Variants in TCTN2 observed in about 807,000 individuals in gnomAD.
The protein encoded by TCTN2 is tectonic-2.
Under a neutral mutation model 83.4 loss-of-function variants are expected in TCTN2, and 66 were observed. The ratio of observed to expected loss-of-function variants is 0.79; its 90% CI spans 0.65 to 0.97. The LOEUF (loss-of-function observed/expected upper bound fraction) is 0.97. Ranked by LOEUF, TCTN2 falls within the 50% of genes least tolerant of loss-of-function variation. The pLI, the probability that TCTN2 is intolerant of heterozygous loss-of-function variation, is 0.00. For missense variants in TCTN2, 794 were observed against 858.1 expected (o/e 0.93, Z 0.93); for synonymous variants, 301 against 326.7 (o/e 0.92, Z 0.85).
At chr12:123,674,880 A>AT (rs1358566084) in intron 4 of TCTN2, among the ~76,000 whole-genome samples, 3 of 151,454 alleles carry the variant, frequency 2.0e-5, no homozygotes, top group Non-Finnish European at 2.9e-5. Flanking sequence ...TTTTATTTTC[A>AT]TTTTTTTTAG....
chr12:123,695,552 G>A, intron 11 of TCTN2: 1 of 349,478 alleles, frequency 2.9e-6, no homozygotes, highest in Non-Finnish European at 5.2e-6. Context: ...CTCCTGAGTA[G>A]CTGGGATTAC....
intron 8 of TCTN2, 110 bp from the exon 9 acceptor site, chr12:123,692,548 C>T: frequency 1.2e-6 from 1 of 857,636 alleles, no homozygotes; most frequent in East Asian, 2.6e-5. Context: ...TAGTCAGCAC[C>T]CTGGGCAGTT....
At chr12:123,671,642 G>A (rs1474123950) in intron 2 of TCTN2, 28 bp downstream of exon 2, 2 of 1,595,940 alleles carry the variant, frequency 1.3e-6, no homozygotes, top group African/African-American at 1.3e-5. Flanking sequence ...TTTGGGGAGG[G>A]TGGGGGTTGG....
At chr12:123,705,378 G>T (rs1253294621) in intron 15 of TCTN2, among the ~76,000 whole-genome samples, 1 of 152,076 alleles carries the variant, frequency 6.6e-6, no homozygotes, top group Non-Finnish European at 1.5e-5. Context: ...GGCCAGGATG[G>T]TCTCAATCTC....
chr12:123,689,706 A>G (rs1220157043), intron 7 of TCTN2, among the ~76,000 whole-genome samples: 1 of 152,206 alleles, frequency 6.6e-6, no homozygotes, highest in African/African-American at 2.4e-5. Context: ...AACAATGGTT[A>G]GATAAATACA....
At chr12:123,673,007 G>A (rs1404827656) in intron 3 of TCTN2, among the ~76,000 whole-genome samples, 1 of 151,940 alleles carries the variant, frequency 6.6e-6, no homozygotes, top group African/African-American at 2.4e-5. Context: ...CCGAGATCAC[G>A]CCACTGCACT....
intron 5 of TCTN2, among the ~76,000 whole-genome samples, chr12:123,683,245 T>G (rs1232582521): frequency 4.0e-5 from 6 of 151,842 alleles, no homozygotes; most frequent in Non-Finnish European, 7.4e-5. Context: ...ATAATAATTT[T>G]TGATTAACCT....
In TCTN2 at chr12:123,697,171, G is replaced by T; in HGVS notation, c.1478G>T (p.Gly493Val). The T allele has an allele frequency of 3.7e-6, 6 of 1,613,868 alleles. No individual in the cohort carries two copies. Among genetic ancestry groups the T allele is most frequent in the Non-Finnish European group, 8.5e-7 (1 of 1,179,866 alleles). The stretch of plus-strand genomic sequence containing the variant: ...CTCTCTGGATGCCTGTTAGAAGTCG[G>T]GATTAATGAAAATTGTACTCAGCTC... ...NVLSGCLLEV[G>V]INENCTQLRE... The change falls in exon 13 of 18, where the codon GGG becomes GTG. Residue 493 changes from glycine to valine, a missense_variant. By Grantham distance (109) the Gly-to-Val change is moderately radical (BLOSUM62 -3). Transcript: ENST00000303372.
rs372053991 is a variant in TCTN2, at chr12:123,673,759, C to T, written c.412C>T (p.Leu138Phe). 14 of 1,614,092 alleles carry T rather than the reference C, an allele frequency of 8.7e-6. No homozygotes were observed. Among genetic ancestry groups the T allele is most frequent in the African/African-American group, 1.3e-5 (1 of 74,936 alleles). The change falls in exon 4 of 18, where the codon CTC becomes TTC. Residue 138 changes from leucine to phenylalanine, a missense_variant. By Grantham distance (22) the Leu-to-Phe change is conservative. Coordinates refer to ENST00000303372, the MANE Select transcript of TCTN2 (RefSeq NM_024809.5). ...TAATTCATCCTGTTCAGCACATCTA[C>T]TCATTCAAGTGGAAATTTATGCCAA... ...SHNSSCSAHLLIQVEIYANSS... is the reference protein window; with the variant it reads ...SHNSSCSAHLFIQVEIYANSS...
chr12:123,693,376 C>CTTTTTTTTTTTTT (rs373196834), intron 9 of TCTN2, among the ~76,000 whole-genome samples: 1 of 92,952 alleles, frequency 1.1e-5, no homozygotes, highest in Non-Finnish European at 2.1e-5. Context: ...GCTTTCTTTC[C>CTTTTTTTTTTTTT]TTTTTTTTTT....
intron 14 of TCTN2, 72 bp from the exon 15 acceptor site, chr12:123,704,460 T>C (rs763227812): frequency 4.7e-6 from 7 of 1,483,824 alleles, no homozygotes; most frequent in Non-Finnish European, 6.4e-6. Flanking sequence ...TTCCCCATTT[T>C]GGTTATTACG....
chr12:123,706,735 A>G lies in TCTN2; in HGVS notation c.1779A>G (p.Ser593=). Residue 593 remains serine (S), a synonymous_variant, in exon 16 of 18, where the codon TCA becomes TCG. Coordinates refer to ENST00000303372, the MANE Select transcript of TCTN2 (RefSeq NM_024809.5). Reference sequence around the variant, plus strand: ...GATCTTTCCCTCCTAGGTTCTCCTCAGTGAACTGGCAGTACCAGTGTGGGC... The same window carrying G: ...GATCTTTCCCTCCTAGGTTCTCCTCGGTGAACTGGCAGTACCAGTGTGGGC... ...EILGVETRFS[S]VNWQYQCGLT... 3 of 1,614,124 alleles carry G rather than the reference A, an allele frequency of 1.9e-6. No homozygotes were observed. Among genetic ancestry groups the G allele is most frequent in the South Asian group, 2.2e-5 (2 of 91,078 alleles).
At chr12:123,696,575 C>A (rs760922555) in intron 12 of TCTN2, 80 bp downstream of exon 12, 27 of 1,291,096 alleles carry the variant, frequency 2.1e-5, no homozygotes, top group Non-Finnish European at 3.0e-5. Flanking sequence ...TCTAATCAAG[C>A]AATCAATTAT....
At chr12:123,671,673 G>A in intron 2 of TCTN2, 59 bp downstream of exon 2, 1 of 1,508,882 alleles carries the variant, frequency 6.6e-7, no homozygotes, top group Admixed American at 1.7e-5. Context: ...GACCTCCCAA[G>A]GAGCCTGGAG....
In TCTN2 at chr12:123,673,784, A is replaced by G. The variant is rs1566243238; in HGVS notation, c.437A>G (p.Asn146Ser). 4 of 1,614,114 alleles carry G rather than the reference A, an allele frequency of 2.5e-6. No individual in the cohort carries two copies. The highest frequency in any genetic ancestry group is 3.4e-6 in the Non-Finnish European group (4 of 1,180,034). Residue 146 changes from asparagine (N) to serine (S), a missense_variant, in exon 4 of 18, where the codon AAC becomes AGC. By Grantham distance (46) the Asn-to-Ser change is conservative. Coordinates refer to ENST00000303372, the MANE Select transcript of TCTN2 (RefSeq NM_024809.5). ...CTCATTCAAGTGGAAATTTATGCCA[A>G]CTCTTCTCTGACCCATAATGCCTCA... ...HLLIQVEIYA[N>S]SSLTHNASEN...
intron 12 of TCTN2, chr12:123,696,706 G>A: frequency 5.0e-6 from 3 of 595,234 alleles, no homozygotes; most frequent in Non-Finnish European, 9.1e-6. Context: ...CACCTGAAGT[G>A]CTGGTTGCTA....
intron 5 of TCTN2, among the ~76,000 whole-genome samples, chr12:123,682,859 T>G (rs1955916247): frequency 6.7e-6 from 1 of 149,348 alleles, no homozygotes; most frequent in Non-Finnish European, 1.5e-5. Flanking sequence ...TATCTCATTT[T>G]TTTCTTCTGT....
chr12:123,678,752 A>T (rs1955856119), intron 4 of TCTN2, among the ~76,000 whole-genome samples: 2 of 151,024 alleles, frequency 1.3e-5, no homozygotes, highest in Admixed American at 1.3e-4. Flanking sequence ...TGGATTCCTT[A>T]ATGTCAAATA....
chr12:123,707,029 T>A lies in TCTN2; in HGVS notation c.1940T>A (p.Val647Glu), dbSNP rs913599721. Reference sequence around the variant, plus strand: ...GAGTATGACTGCAACAGAAATGAGGTGTGTTGGCCGCAGCTTCTATATCCA... The same window carrying A: ...GAGTATGACTGCAACAGAAATGAGGAGTGTTGGCCGCAGCTTCTATATCCA... The part of the protein sequence containing the change: ...YTEYDCNRNE[V>E]CWPQLLYPWT... The change falls in exon 17 of 18, where the codon GTG becomes GAG. Residue 647 changes from valine to glutamate, a missense_variant. Val to Glu is a moderately radical substitution (Grantham distance 121, BLOSUM62 -2). Coordinates refer to ENST00000303372, the MANE Select transcript of TCTN2 (RefSeq NM_024809.5). 1 of 1,613,822 alleles carries A rather than the reference T, an allele frequency of 6.2e-7. No homozygotes were observed. The highest frequency in any genetic ancestry group is 8.5e-7 in the Non-Finnish European group (1 of 1,180,032).
Sources: allele counts gnomAD v4.1 joint callset (sites outside exome capture counted in the v4.1 genomes callset), GRCh38; gene constraint gnomAD v4.1.1; transcripts MANE v1.5; gene names NCBI Gene and HGNC (gene_info 2026-07-23, HGNC 2026-07-21).